Variants in CAP2 observed in about 807,000 individuals in gnomAD.
CAP2 encodes the protein adenylyl cyclase-associated protein 2.
CAP2 carries 24 observed loss-of-function variants against 57.7 expected under a neutral mutation model. The ratio of observed to expected loss-of-function variants is 0.42; its 90% CI spans 0.30 to 0.58. CAP2 has a LOEUF of 0.58. CAP2 is among the 20% of genes least tolerant of loss of function. The pLI, the probability that CAP2 is intolerant of heterozygous loss-of-function variation, is 0.22. For synonymous variants in CAP2, 194 were observed against 207.2 expected (o/e 0.94, Z 0.55); for missense variants, 501 against 590.3 (o/e 0.85, Z 1.57).
chr6:17,455,346 C>T (rs1235862040), intron 3 of CAP2, among the ~76,000 whole-genome samples: 1 of 152,022 alleles, frequency 6.6e-6, no homozygotes, highest in African/African-American at 2.4e-5. Flanking sequence ...TGTGTGGTCC[C>T]TCCCAAGGGC....
chr6:17,407,778 C>CAAAA (rs60480016), intron 1 of CAP2, among the ~76,000 whole-genome samples: 6 of 69,336 alleles, frequency 8.7e-5, no homozygotes, highest in Non-Finnish European at 1.4e-4. Context: ...GACTCGGTCT[C>CAAAA]AAAAAAAAAA....
At chr6:17,495,353 T>G (rs1229571294) in intron 4 of CAP2, among the ~76,000 whole-genome samples, 1 of 152,222 alleles carries the variant, frequency 6.6e-6, no homozygotes, top group Non-Finnish European at 1.5e-5. Flanking sequence ...TAACTCTCTT[T>G]ACCGATAATA....
At chr6:17,554,714 C>T (rs1004950830) in intron 12 of CAP2, among the ~76,000 whole-genome samples, 3 of 152,174 alleles carry the variant, frequency 2.0e-5, no homozygotes, top group African/African-American at 4.8e-5. Context: ...CAATGAGCAC[C>T]GCATGGACTG....
intron 4 of CAP2, among the ~76,000 whole-genome samples, chr6:17,477,080 A>G: frequency 6.6e-6 from 1 of 152,086 alleles, no homozygotes; most frequent in African/African-American, 2.4e-5. Context: ...CATGTTGGCC[A>G]GAATGGTCTC....
intron 7 of CAP2, among the ~76,000 whole-genome samples, chr6:17,516,069 A>AC (rs1312089526): frequency 6.6e-6 from 1 of 152,172 alleles, no homozygotes; most frequent in African/African-American, 2.4e-5. Flanking sequence ...CCGGGGAGGT[A>AC]CCCCTACCTC....
intron 1 of CAP2, among the ~76,000 whole-genome samples, chr6:17,401,249 T>G (rs1270123099): frequency 6.6e-6 from 1 of 152,186 alleles, no homozygotes; most frequent in African/African-American, 2.4e-5. Context: ...AGGGAGACCC[T>G]TTGCTCCTTT....
At chr6:17,395,702 T>G (rs10080250) in intron 1 of CAP2, among the ~76,000 whole-genome samples, 62,465 of 152,098 alleles carry the variant, frequency 0.41, 15,922 homozygotes, top group African/African-American at 0.73. Flanking sequence ...ACATCTTTAT[T>G]CATGAGGTTT....
At chr6:17,437,123 A>G (rs1035442030) in intron 3 of CAP2, among the ~76,000 whole-genome samples, 2 of 152,318 alleles carry the variant, frequency 1.3e-5, no homozygotes, top group African/African-American at 4.8e-5. Context: ...TTCATTATAT[A>G]TTACAATATA....
chr6:17,549,319 C>T (rs1404848001), intron 11 of CAP2, among the ~76,000 whole-genome samples: 1 of 152,002 alleles, frequency 6.6e-6, no homozygotes, highest in African/African-American at 2.4e-5. Flanking sequence ...CAAAATTAGC[C>T]GGGCATGGTG....
At chr6:17,455,826 C>T (rs536692410) in intron 3 of CAP2, among the ~76,000 whole-genome samples, 20 of 152,314 alleles carry the variant, frequency 1.3e-4, no homozygotes, top group Middle Eastern at 3.4e-3. Flanking sequence ...TGAGCCACCG[C>T]GCCCAGCCTA....
chr6:17,485,942 C>T (rs1761407881), intron 4 of CAP2, among the ~76,000 whole-genome samples: 2 of 152,242 alleles, frequency 1.3e-5, no homozygotes, highest in Admixed American at 1.3e-4. Flanking sequence ...AGCACTATAA[C>T]TCTCAAAGGG....
At position 17,453,107 on chromosome 6, in the gene CAP2, A is replaced by G. The variant is rs371076574; in HGVS notation, c.223-9889A>G. Among the ~76,000 whole-genome samples, 18 of 152,198 alleles carry G rather than the reference A, an allele frequency of 1.2e-4. No individual in the cohort carries two copies. In the East Asian group the frequency reaches 1.3e-3, roughly 11 times the overall value. Reference sequence around the variant, plus strand: ...GTTCAAATCCTCACCATGTTGTTCCATTCATTCTTCCATCTGCTCAGCAGA... The same window carrying G: ...GTTCAAATCCTCACCATGTTGTTCCGTTCATTCTTCCATCTGCTCAGCAGA... On this transcript the variant is annotated intron_variant, in intron 3 of 12. Transcript: ENST00000229922.
At chr6:17,551,839 A>G (rs988887844) in intron 12 of CAP2, among the ~76,000 whole-genome samples, 18 of 152,170 alleles carry the variant, frequency 1.2e-4, no homozygotes, top group African/African-American at 3.6e-4. Flanking sequence ...CATTTAATGG[A>G]CCAGCGTTTA....
At chr6:17,455,727 G>A (rs1482988697) in intron 3 of CAP2, among the ~76,000 whole-genome samples, 1 of 152,048 alleles carries the variant, frequency 6.6e-6, no homozygotes, top group Non-Finnish European at 1.5e-5. Flanking sequence ...AGTAGAGATG[G>A]GGTTTCACCA....
At chr6:17,441,011 T>C (rs1202909461) in intron 3 of CAP2, among the ~76,000 whole-genome samples, 2 of 151,558 alleles carry the variant, frequency 1.3e-5, no homozygotes, top group African/African-American at 4.9e-5. Flanking sequence ...CATCCTTTTT[T>C]ATGGCTGCAT....
chr6:17,547,266 A>G (rs1006065893), intron 11 of CAP2, among the ~76,000 whole-genome samples: 2 of 152,190 alleles, frequency 1.3e-5, no homozygotes, highest in African/African-American at 4.8e-5. Flanking sequence ...ATTCTTCTAA[A>G]TGTACTCATG....
At position 17,540,980 on chromosome 6, in the gene CAP2, C is replaced by T. The variant is rs377093216; in HGVS notation, c.834C>T (p.Arg278=). The T allele has an allele frequency of 6.2e-7, 1 of 1,613,480 alleles. No individual in the cohort carries two copies. The highest frequency in any genetic ancestry group is 1.3e-5 in the African/African-American group (1 of 74,898). The change falls in exon 9 of 13, where the codon CGC becomes CGT. Residue 278 remains arginine (R), a synonymous_variant. Transcript: ENST00000229922. ...NQGEAITKGL[R]HVTDDQKTYK... is the part of the protein sequence containing the mutation. ...TGTGTGTTGTCCTCCTAGGGCTCCG[C>T]CATGTCACAGATGACCAGAAGACAT...
At chr6:17,551,354 T>A in intron 11 of CAP2, 110 bp from the exon 12 acceptor site, 1 of 865,240 alleles carries the variant, frequency 1.2e-6, no homozygotes, top group Non-Finnish European at 1.8e-6. Context: ...TGAATTCTAA[T>A]GCTTGGTTAA....
chr6:17,535,689 T>C (rs1284249438), intron 7 of CAP2, among the ~76,000 whole-genome samples: 8 of 152,222 alleles, frequency 5.3e-5, no homozygotes, highest in African/African-American at 1.9e-4. Flanking sequence ...CCATTTAATA[T>C]TGAATTTAAA....
Sources: gnomAD v4.1 joint callset for allele counts (sites outside exome capture counted in the v4.1 genomes callset) on GRCh38, gnomAD v4.1.1 for gene constraint, MANE v1.5 for transcripts, NCBI Gene and HGNC (gene_info 2026-07-23, HGNC 2026-07-21) for gene names.